SATB1: variants seen among roughly 807,000 people sequenced by gnomAD.
The protein encoded by SATB1 is DNA-binding protein SATB1.
Under a neutral mutation model 86.9 loss-of-function variants are expected in SATB1, and 11 were observed. The observed-to-expected ratio is 0.13, with a 90% CI of 0.08 to 0.21. The LOEUF is 0.21. Ranked by LOEUF, SATB1 falls within the 10% of genes least tolerant of loss-of-function variation. SATB1 has a pLI of 1.00. For synonymous variants in SATB1, 357 were observed against 357.2 expected, an observed-to-expected ratio of 1.00 and a Z score of 0.01; for missense variants, 551 against 937.6, an observed-to-expected ratio of 0.59 and a Z score of 5.39.
At chr3:18,431,718 T>TA (rs201885006) in intron 2 of SATB1, among the ~76,000 whole-genome samples, 1,661 of 152,300 alleles carry the variant, frequency 0.011, 29 homozygotes, top group African/African-American at 0.038. Flanking sequence ...TTGGAAAAGC[T>TA]AACCTGTTGT....
intron 5 of SATB1, among the ~76,000 whole-genome samples, chr3:18,404,899 C>T (rs555802384): frequency 6.6e-6 from 1 of 152,080 alleles, no homozygotes; most frequent in East Asian, 1.9e-4. Flanking sequence ...CACACAGAAG[C>T]TGTAACATGA....
rs1696473672 is a variant in SATB1 at position 18,388,700 on chromosome 3, C to G, written c.1207-2089G>C. ...GTAGTTATTAGCACTCATGTTGGGCCTACAGTGAAAAGTTCTGTGGCATTT... is the reference window on the plus strand; with the variant it reads ...GTAGTTATTAGCACTCATGTTGGGCGTACAGTGAAAAGTTCTGTGGCATTT... On this transcript the variant is annotated intron_variant, in intron 7 of 10. Coordinates refer to ENST00000338745, the MANE Select transcript of SATB1 (RefSeq NM_002971.6). 2.0e-5 allele frequency among the ~76,000 whole-genome samples: 3 copies of G among 152,182 alleles called. No individual in the cohort carries two copies. The East Asian group carries it at 5.8e-4, about 29-fold the overall frequency.
chr3:18,385,102 G>A (rs144154303), intron 8 of SATB1, among the ~76,000 whole-genome samples: 14 of 152,146 alleles, frequency 9.2e-5, no homozygotes, highest in Admixed American at 5.9e-4. Context: ...TGCAGTATCC[G>A]TAGTACTTTC....
chr3:18,393,726 C>T (rs9310563), intron 7 of SATB1, among the ~76,000 whole-genome samples: 51,473 of 151,986 alleles, frequency 0.34, 9,457 homozygotes, highest in Admixed American at 0.46. Flanking sequence ...ATACCCAGTG[C>T]CATTCATTTA....
At chr3:18,439,007 T>TGTA (rs947492777), upstream of SATB1, among the ~76,000 whole-genome samples, 4 of 152,102 alleles carry the variant, frequency 2.6e-5, no homozygotes, top group African/African-American at 9.7e-5. Flanking sequence ...GAGTGAGGAG[T>TGTA]GTAATAAAAT....
chr3:18,349,656 CTGCTGTTGCTGT>C lies in SATB1; in HGVS notation c.1794_1805del (p.Gln604_Gln607del). 2 of 1,609,648 alleles carry C rather than the reference CTGCTGTTGCTGT, an allele frequency of 1.2e-6. No homozygotes were observed. Among genetic ancestry groups the C allele is most frequent in the South Asian group, 1.1e-5 (1 of 90,732 alleles). ...GCGGCGGTGCCTGCTGCTGCTGCTG[CTGCTGTTGCTGT>C]TGCTGCTGCTGTTGCTGCAAAGAAA... On this transcript the variant is annotated inframe_deletion, in exon 11 of 11. Coordinates refer to ENST00000338745, the MANE Select transcript of SATB1 (RefSeq NM_002971.6). This position sits in a 1 kb window ranked among gnomAD's most constrained non-coding sequence, Gnocchi z 5.5.
intron 8 of SATB1, among the ~76,000 whole-genome samples, chr3:18,379,934 A>G (rs1298330795): frequency 6.6e-6 from 1 of 152,206 alleles, no homozygotes; most frequent in Non-Finnish European, 1.5e-5. Flanking sequence ...TCATAGAGAT[A>G]TATTAATGAC....
Position 18,444,680 on chromosome 3 carries a change from C to A in SATB1, c.-25+838G>T. The stretch of plus-strand genomic sequence containing the variant: ...AACCAAGAACGGCTCCCCGGGCGGG[C>A]GCGCCGGCGTCGGACTTCCGAGGCG... On this transcript the variant is annotated intron_variant, in intron 1 of 3. Transcript: ENST00000415069. This position sits in a 1 kb window ranked among gnomAD's most constrained non-coding sequence, Gnocchi z 5.1. 2 of 984,310 alleles carry A rather than the reference C, an allele frequency of 2.0e-6. No homozygotes were observed. The highest frequency in any genetic ancestry group is 2.4e-6 in the Non-Finnish European group (2 of 829,334). 61.0% of individuals were successfully genotyped at this position (984,310 alleles called of 1,614,324 possible).
intron 7 of SATB1, among the ~76,000 whole-genome samples, chr3:18,392,097 AT>A (rs967894037): frequency 6.6e-6 from 1 of 152,080 alleles, no homozygotes; most frequent in African/African-American, 2.4e-5. Context: ...GGCACTAAAT[AT>A]TTTTTTGGTA....
intron 10 of SATB1, chr3:18,351,499 G>T: frequency 1.1e-6 from 1 of 923,236 alleles, no homozygotes; most frequent in Non-Finnish European, 1.6e-6. Flanking sequence ...TGAAGGAAGG[G>T]CCAAGGACTG....
chr3:18,418,403 C>T (rs1181564013), intron 2 of SATB1, among the ~76,000 whole-genome samples: 2 of 152,150 alleles, frequency 1.3e-5, no homozygotes. Flanking sequence ...CTTTAGTGAA[C>T]TGTTCACAAG....
chr3:18,440,209 G>T (rs1699200365), upstream of SATB1, among the ~76,000 whole-genome samples: 4 of 152,172 alleles, frequency 2.6e-5, no homozygotes, highest in South Asian at 8.3e-4. Context: ...GCTTTAAGAT[G>T]ACTATTTTAA....
chr3:18,422,643 A>T (rs1007324340), intron 1 of SATB1, among the ~76,000 whole-genome samples: 2 of 152,238 alleles, frequency 1.3e-5, no homozygotes, highest in African/African-American at 4.8e-5. Flanking sequence ...ACTTATTCAA[A>T]ACACTCTTTA....
intron 5 of SATB1, among the ~76,000 whole-genome samples, chr3:18,413,559 CGAAACAAAGTCCCT>C (rs1273580606): frequency 6.6e-6 from 1 of 152,002 alleles, no homozygotes; most frequent in Non-Finnish European, 1.5e-5. Flanking sequence ...GAGTTGTCTG[CGAAACAAAGTCCCT>C]GAAGTAAGAG....
intron 4 of SATB1, 89 bp from the exon 5 acceptor site, chr3:18,415,323 C>T (rs904929870): frequency 2.1e-5 from 31 of 1,483,800 alleles, no homozygotes; most frequent in Admixed American, 3.5e-5. Context: ...TTTCATTTTG[C>T]GCATCAAACA....
chr3:18,394,642 T>C lies in SATB1; in HGVS notation c.1026A>G (p.Leu342=). 6.2e-7 allele frequency: 1 copy of C among 1,614,178 alleles called. No individual in the cohort carries two copies. The highest frequency in any genetic ancestry group is 2.2e-5 in the East Asian group (1 of 44,872). ...GAGGGTGGTTCAAGTATTGTTGGTT[T>C]AAGGACTGCTGGGCTAAAAGTCTAT... ...AVNRLLAQQS[L]NQQYLNHPPP... The change falls in exon 7 of 11, where the codon TTA becomes TTG. Residue 342 remains leucine, a synonymous_variant. Coordinates refer to ENST00000338745, the MANE Select transcript of SATB1 (RefSeq NM_002971.6). The surrounding 1 kb of genome is among the most constrained non-coding windows in gnomAD (Gnocchi z 5.9).
rs184010363 is a variant in SATB1 at position 18,394,209 on chromosome 3, C to T, written c.1206+253G>A. On this transcript the variant is annotated intron_variant, in intron 7 of 10. Coordinates refer to ENST00000338745, the MANE Select transcript of SATB1 (RefSeq NM_002971.6). This position sits in a 1 kb window ranked among gnomAD's most constrained non-coding sequence, Gnocchi z 5.9. ...GCATAAGTAATGCCAGTTTAAAGTACGTTTGACATTTAATTAGTCTTTCAA... is the reference window on the plus strand; with the variant it reads ...GCATAAGTAATGCCAGTTTAAAGTATGTTTGACATTTAATTAGTCTTTCAA... Among the ~76,000 whole-genome samples the T allele has an allele frequency of 2.0e-4, 30 of 152,192 alleles. No individual in the cohort carries two copies. Among genetic ancestry groups the T allele is most frequent in the Non-Finnish European group, 4.0e-4 (27 of 68,020 alleles).
At position 18,349,870 on chromosome 3, in the gene SATB1, C is replaced by G; in HGVS notation, c.1780-188G>C. ...TTACAAAAAAATCAAAATGATATGA[C>G]TAGGAAGGGATGAATTAAGACAGCT... On this transcript the variant is annotated intron_variant, in intron 10 of 10. Transcript: ENST00000338745. The surrounding 1 kb of genome is among the most constrained non-coding windows in gnomAD (Gnocchi z 5.5). The G allele has an allele frequency of 9.7e-7, 1 of 1,027,830 alleles. No homozygotes were observed. The highest frequency in any genetic ancestry group is 1.4e-6 in the Non-Finnish European group (1 of 734,432). The allele number at this position is 1,027,830 out of a possible 1,614,324, so 63.7% of individuals were successfully genotyped here.
intron 2 of SATB1, among the ~76,000 whole-genome samples, chr3:18,436,527 C>T (rs1336000443): frequency 1.4e-5 from 2 of 138,460 alleles, no homozygotes; most frequent in Non-Finnish European, 3.1e-5. Context: ...AAAAAAAAAT[C>T]ATCCAATTAT....
Sources: gnomAD v4.1 joint callset for allele counts (sites outside exome capture counted in the v4.1 genomes callset) on GRCh38, gnomAD v4.1.1 for gene constraint, Gnocchi (gnomAD v3.1) non-coding constraint, MANE v1.5 for transcripts, NCBI Gene and HGNC (gene_info 2026-07-23, HGNC 2026-07-21) for gene names.